COPG2: variants seen among roughly 807,000 people sequenced by gnomAD.
The protein encoded by COPG2 is coat protein complex I subunit gamma 2.
In COPG2, 37 loss-of-function variants were observed where a neutral mutation model predicts 46.3. That is an observed-to-expected ratio of 0.80 (90% CI 0.61 to 1.05). COPG2 has a LOEUF of 1.05. Among genes scored for constraint, COPG2 ranks in the 50% least tolerant of loss-of-function variants. The probability of loss-of-function intolerance (pLI) is 0.00; values close to 1 mark genes in which losing one functional copy is unlikely to be tolerated. For synonymous variants in COPG2, 159 were observed against 129.7 expected (o/e 1.23, Z -1.53); for missense variants, 427 against 387.8 (o/e 1.10, Z -0.85).
chr7:130,656,200 T>A (rs782327510), intron 4 of COPG2, among the ~76,000 whole-genome samples: 2 of 152,034 alleles, frequency 1.3e-5, no homozygotes, highest in African/African-American at 4.8e-5. Flanking sequence ...TTGGTTTGAT[T>A]TTTTAGCTTT....
chr7:130,645,586 C>A (rs572193298), intron 5 of COPG2: 87 of 174,548 alleles, frequency 5.0e-4, no homozygotes, highest in African/African-American at 2.0e-3. Context: ...ACATCCCCCA[C>A]GCTCACCCAT....
rs1793469051 is a variant in COPG2 at position 130,547,755 on chromosome 7, T to C, written c.2068A>G (p.Ile690Val). The change falls in exon 20 of 24, where the codon ATC becomes GTC. Residue 690 changes from isoleucine (I) to valine (V), a missense_variant. By Grantham distance (29) the Ile-to-Val change is conservative. Coordinates refer to ENST00000425248, the MANE Select transcript of COPG2 (RefSeq NM_012133.6). The part of the protein sequence containing the change: ...PSDSYEVLSC[I>V]PAPSLPYNQP... ...TTATAAGGAAGGCTGGGGGCTGGGA[T>C]ACAAGACAGCACTTCATAGGAATCT... The C allele has an allele frequency of 5.0e-6, 2 of 398,646 alleles. No homozygotes were observed. The highest frequency in any genetic ancestry group is 8.8e-6 in the Non-Finnish European group (2 of 226,178). The allele number at this position is 398,646 out of a possible 1,614,324, so 24.7% of individuals were successfully genotyped here. A position where few individuals can be genotyped will look rare whatever the true frequency, so the allele number is the denominator to read the frequency against.
chr7:130,611,583 G>A (rs1794850199), intron 8 of COPG2, among the ~76,000 whole-genome samples: 1 of 152,102 alleles, frequency 6.6e-6, no homozygotes, highest in Admixed American at 6.5e-5. Context: ...TTTCCCAAGG[G>A]AAAAATGACT....
intron 9 of COPG2, among the ~76,000 whole-genome samples, chr7:130,571,499 TACC>T (rs1317953274): frequency 6.6e-6 from 1 of 152,098 alleles, no homozygotes; most frequent in Non-Finnish European, 1.5e-5. Flanking sequence ...CACAATGTGG[TACC>T]ACCTTACTCC....
intron 18 of COPG2, among the ~76,000 whole-genome samples, chr7:130,548,778 C>T (rs1476927273): frequency 1.3e-5 from 2 of 151,498 alleles, no homozygotes; most frequent in South Asian, 2.1e-4. Context: ...ATTAGTCAGG[C>T]GTGGTGGCAG....
intron 20 of COPG2, chr7:130,509,552 G>A (rs1554440734): frequency 7.2e-6 from 3 of 417,818 alleles, no homozygotes; most frequent in South Asian, 1.7e-5. Context: ...ACGACAGATT[G>A]GGTAATAAGA....
intron 5 of COPG2, among the ~76,000 whole-genome samples, chr7:130,635,340 T>G (rs1379524778): frequency 1.3e-5 from 2 of 152,104 alleles, no homozygotes; most frequent in Admixed American, 6.6e-5. Flanking sequence ...TGTCTGGTCC[T>G]GGGCTTTTTT....
At chr7:130,539,147 G>A (rs1799911906) in intron 20 of COPG2, among the ~76,000 whole-genome samples, 1 of 152,134 alleles carries the variant, frequency 6.6e-6, no homozygotes, top group African/African-American at 2.4e-5. Flanking sequence ...GTGTGGCCAA[G>A]AGGGAAAGAA....
At chr7:130,634,264 A>C (rs1177769151) in intron 5 of COPG2, among the ~76,000 whole-genome samples, 1 of 152,190 alleles carries the variant, frequency 6.6e-6, no homozygotes, top group Non-Finnish European at 1.5e-5. Context: ...GAAGAAAGCC[A>C]ATGGGAGCTT....
At chr7:130,512,593 A>G (rs1416478025) in intron 20 of COPG2, among the ~76,000 whole-genome samples, 2 of 152,128 alleles carry the variant, frequency 1.3e-5, no homozygotes, top group Middle Eastern at 3.2e-3. Flanking sequence ...CAGCCTGGCC[A>G]AGATGGTGAA....
intron 9 of COPG2, among the ~76,000 whole-genome samples, chr7:130,607,079 A>T (rs969202559): frequency 6.6e-6 from 1 of 151,842 alleles, no homozygotes; most frequent in African/African-American, 2.4e-5. Context: ...CATCTCTACA[A>T]AAAGTACAAA....
rs1427710999 is a variant in COPG2, at chr7:130,532,652, C to G, written c.2149+15022G>C. ...AAGGCAGGGGATTCAGAGGCAGAGG[C>G]TCCCCAGAATGTTTCCACATGGTGT... On this transcript the variant is annotated intron_variant, in intron 20 of 23. Coordinates refer to ENST00000425248, the MANE Select transcript of COPG2 (RefSeq NM_012133.6). Among the ~76,000 whole-genome samples, 12 of 152,116 alleles carry G rather than the reference C, an allele frequency of 7.9e-5. No homozygotes were observed. In the East Asian group the frequency reaches 1.7e-3, roughly 22 times the overall value.
chr7:130,554,172 A>G (rs1315913659), intron 14 of COPG2, among the ~76,000 whole-genome samples: 1 of 151,708 alleles, frequency 6.6e-6, no homozygotes, highest in African/African-American at 2.4e-5. Flanking sequence ...AGGGAGGAAA[A>G]GTCGCTTAAA....
chr7:130,606,616 A>T (rs1794737802), intron 9 of COPG2, among the ~76,000 whole-genome samples: 1 of 152,230 alleles, frequency 6.6e-6, no homozygotes, highest in Admixed American at 6.5e-5. Flanking sequence ...AAAATTCCAA[A>T]AATGAAGATG....
chr7:130,516,766 C>T (rs1799681537), intron 20 of COPG2, among the ~76,000 whole-genome samples: 1 of 152,076 alleles, frequency 6.6e-6, no homozygotes, highest in Non-Finnish European at 1.5e-5. Context: ...AGAGCCAGGG[C>T]ATAAGGTTTT....
chr7:130,629,452 T>C (rs1345780610), intron 5 of COPG2, among the ~76,000 whole-genome samples: 3 of 150,886 alleles, frequency 2.0e-5, no homozygotes, highest in Non-Finnish European at 4.4e-5. Flanking sequence ...TGGAATGCAG[T>C]GGTGTGATCT....
At chr7:130,525,689 GGA>G (rs1192553986) in intron 20 of COPG2, among the ~76,000 whole-genome samples, 3 of 152,168 alleles carry the variant, frequency 2.0e-5, no homozygotes, top group Non-Finnish European at 4.4e-5. Flanking sequence ...AGTAGGCAAG[GGA>G]GAGTCTCAAA....
intron 5 of COPG2, among the ~76,000 whole-genome samples, chr7:130,618,865 T>C (rs1271712583): frequency 6.6e-6 from 1 of 152,156 alleles, no homozygotes; most frequent in Non-Finnish European, 1.5e-5. Flanking sequence ...TCAAAACTTT[T>C]TGCATTTAAT....
chr7:130,554,970 G>A (rs977504641), intron 13 of COPG2, 67 bp downstream of exon 13: 13 of 397,804 alleles, frequency 3.3e-5, no homozygotes, highest in South Asian at 1.3e-4. Context: ...AAAACACTAT[G>A]GTATTTCATG....
Sources: gnomAD v4.1 joint callset for allele counts (sites outside exome capture counted in the v4.1 genomes callset) on GRCh38, gnomAD v4.1.1 for gene constraint, MANE v1.5 for transcripts, NCBI Gene and HGNC (gene_info 2026-07-23, HGNC 2026-07-21) for gene names.